CDH13: variants seen among roughly 807,000 people sequenced by gnomAD.
CDH13 encodes the protein cadherin-13.
CDH13 carries 24 observed loss-of-function variants against 63.8 expected under a neutral mutation model. The observed-to-expected ratio is 0.38, with a 90% CI of 0.27 to 0.53. The LOEUF is 0.53. Among genes scored for constraint, CDH13 ranks in the 20% least tolerant of loss-of-function variants. CDH13 has a pLI of 0.85. For synonymous variants in CDH13, 503 were observed against 355.3 expected (o/e 1.42, Z -4.67); for missense variants, 1,049 against 903.1 (o/e 1.16, Z -2.07).
chr16:82,923,494 C>T (rs1301426936), intron 2 of CDH13, among the ~76,000 whole-genome samples: 1 of 152,172 alleles, frequency 6.6e-6, no homozygotes, highest in Non-Finnish European at 1.5e-5. Flanking sequence ...CAGGCAAAGG[C>T]CAACTCTTAG....
intron 1 of CDH13, among the ~76,000 whole-genome samples, chr16:82,716,398 C>T (rs576579081): frequency 5.9e-5 from 9 of 151,952 alleles, no homozygotes; most frequent in Non-Finnish European, 7.4e-5. Flanking sequence ...CAGGTTCTGA[C>T]GGATTCATCT....
chr16:83,163,196 T>A (rs1025861426), intron 4 of CDH13, among the ~76,000 whole-genome samples: 1 of 152,186 alleles, frequency 6.6e-6, no homozygotes, highest in Non-Finnish European at 1.5e-5. Context: ...CCCAGCCACA[T>A]GGAACTGTAA....
chr16:83,184,395 G>C (rs8044179), intron 4 of CDH13, among the ~76,000 whole-genome samples: 14,858 of 152,150 alleles, frequency 0.098, 1,505 homozygotes, highest in African/African-American at 0.27. Context: ...GACTCTATGA[G>C]AGGGAAGCAG....
chr16:83,559,794 G>C (rs766400206), intron 7 of CDH13, among the ~76,000 whole-genome samples: 18 of 152,174 alleles, frequency 1.2e-4, no homozygotes, highest in South Asian at 2.1e-4. Context: ...GGGATTGGAA[G>C]CCAAGAAGCC....
intron 1 of CDH13, among the ~76,000 whole-genome samples, chr16:82,712,399 T>C (rs1268435255): frequency 6.6e-6 from 1 of 152,212 alleles, no homozygotes; most frequent in African/African-American, 2.4e-5. Context: ...CTACCATTCA[T>C]ACTGCCTCTA....
chr16:83,143,112 A>G (rs1444145523), intron 4 of CDH13, among the ~76,000 whole-genome samples: 4 of 152,206 alleles, frequency 2.6e-5, no homozygotes, highest in African/African-American at 9.6e-5. Context: ...CTCAAAAAAT[A>G]AAAAAGAGTT....
intron 7 of CDH13, among the ~76,000 whole-genome samples, chr16:83,567,097 C>T (rs762337575): frequency 5.3e-5 from 8 of 152,318 alleles, no homozygotes; most frequent in South Asian, 2.1e-4. Flanking sequence ...CAGCCAACCC[C>T]TGCTTATTCA....
chr16:83,264,873 CTA>C (rs2151839407), intron 5 of CDH13, among the ~76,000 whole-genome samples: 1 of 152,100 alleles, frequency 6.6e-6, no homozygotes, highest in African/African-American at 2.4e-5. Flanking sequence ...GGCTGTCAAA[CTA>C]TGCACACATT....
chr16:83,017,011 A>C (rs1373631818), intron 2 of CDH13, among the ~76,000 whole-genome samples: 1 of 152,184 alleles, frequency 6.6e-6, no homozygotes, highest in African/African-American at 2.4e-5. Flanking sequence ...ATCCGTAGGA[A>C]CTTCAAATCT....
At chr16:83,459,199 T>C (rs1295328375) in intron 6 of CDH13, among the ~76,000 whole-genome samples, 1 of 152,230 alleles carries the variant, frequency 6.6e-6, no homozygotes, top group African/African-American at 2.4e-5. Flanking sequence ...GAAAATCCAC[T>C]GTCATTTTGT....
intron 6 of CDH13, among the ~76,000 whole-genome samples, chr16:83,415,161 A>G (rs1269330640): frequency 6.6e-6 from 1 of 152,136 alleles, no homozygotes; most frequent in Non-Finnish European, 1.5e-5. Context: ...AAATGAAAAA[A>G]AAACCTAGGT....
In CDH13 at chr16:82,797,774, C is replaced by CGTGCGT. The variant is rs1555519462; in HGVS notation, c.46-60585_46-60584insCGTGTG. Among the ~76,000 whole-genome samples the CGTGCGT allele has an allele frequency of 3.0e-3, 437 of 145,644 alleles. 4 individuals carry two copies. Among genetic ancestry groups the CGTGCGT allele is most frequent in the African/African-American group, 0.011 (422 of 39,474 alleles). On this transcript the variant is annotated intron_variant, in intron 1 of 13. Coordinates refer to ENST00000567109, the MANE Select transcript of CDH13 (RefSeq NM_001257.5). ...AAGGGCCCATGTATGACTTTAGGGC[C>CGTGCGT]GTGTGTGTGTGTGTGTGTGTGTGTG...
At chr16:83,159,998 C>A (rs1008531908) in intron 4 of CDH13, among the ~76,000 whole-genome samples, 3 of 152,054 alleles carry the variant, frequency 2.0e-5, no homozygotes, top group Admixed American at 2.0e-4. Flanking sequence ...ATTGCTTGAA[C>A]CCAGGAGGCA....
chr16:83,233,517 C>G (rs1296025825), intron 5 of CDH13, among the ~76,000 whole-genome samples: 1 of 152,214 alleles, frequency 6.6e-6, no homozygotes, highest in Non-Finnish European at 1.5e-5. Flanking sequence ...ATGGTTCTCA[C>G]TGGGCTAAAA....
rs1294392521 is a variant in CDH13 at position 83,796,324 on chromosome 16, G to A, written c.*1294G>A. ...TAGAGCTCGCCACGAACTAGGGTAA[G>A]GTGAGTGTCTTAGCATATTTTAATG... On this transcript the variant is annotated 3_prime_UTR_variant, in exon 14 of 14. Coordinates refer to ENST00000567109, the MANE Select transcript of CDH13 (RefSeq NM_001257.5). 6.6e-6 allele frequency: 1 copy of A among 152,192 alleles called. No individual in the cohort carries two copies. The highest frequency in any genetic ancestry group is 1.5e-5 in the Non-Finnish European group (1 of 68,042). 9.4% of individuals were successfully genotyped at this position (152,192 alleles called of 1,614,324 possible).
chr16:83,230,602 G>C (rs1193714010), intron 5 of CDH13, among the ~76,000 whole-genome samples: 1 of 152,158 alleles, frequency 6.6e-6, no homozygotes, highest in Non-Finnish European at 1.5e-5. Flanking sequence ...CCTGGCAAGA[G>C]TGGCCAAAAC....
At chr16:82,863,492 A>G (rs932106787) in intron 2 of CDH13, among the ~76,000 whole-genome samples, 3 of 152,196 alleles carry the variant, frequency 2.0e-5, no homozygotes, top group Non-Finnish European at 4.4e-5. Context: ...ACAGTCATCT[A>G]TTAGCTCTGT....
intron 3 of CDH13, among the ~76,000 whole-genome samples, chr16:83,037,649 C>A (rs1001160361): frequency 6.6e-6 from 1 of 152,124 alleles, no homozygotes; most frequent in African/African-American, 2.4e-5. Flanking sequence ...CTAGGGACAT[C>A]TTTATAGAGA....
intron 13 of CDH13, among the ~76,000 whole-genome samples, chr16:83,787,537 A>G (rs1280217309): frequency 6.6e-6 from 1 of 152,190 alleles, no homozygotes; most frequent in Admixed American, 6.5e-5. Context: ...ACTATGACCA[A>G]CGCTACTACA....
Sources: gnomAD v4.1 joint callset for allele counts (sites outside exome capture counted in the v4.1 genomes callset) on GRCh38, gnomAD v4.1.1 for gene constraint, MANE v1.5 for transcripts, NCBI Gene and HGNC (gene_info 2026-07-23, HGNC 2026-07-21) for gene names.